The following CEP290 variants were observed in gnomAD, a reference collection of about 807,000 sequenced individuals.
The protein encoded by CEP290 is centrosomal protein of 290 kDa.
In CEP290, 317 loss-of-function variants were observed where a neutral mutation model predicts 344.9. The ratio of observed to expected loss-of-function variants is 0.92; its 90% CI spans 0.84 to 1.01. CEP290 has a LOEUF of 1.01. Among genes scored for constraint, CEP290 ranks in the 50% least tolerant of loss-of-function variants. The pLI is 0.00. For missense variants in CEP290, 2,754 were observed against 2,761.4 expected (o/e 1.00, Z 0.06); for synonymous variants, 932 against 895.8 (o/e 1.04, Z -0.72).
At position 88,106,556 on chromosome 12, in the gene CEP290, C is replaced by T. The variant is rs1592588638; in HGVS notation, c.2817+119G>A. The T allele has an allele frequency of 2.4e-5, 15 of 637,320 alleles. No individual in the cohort carries two copies. The East Asian group carries it at 4.3e-4, about 18-fold the overall frequency. The allele number at this position is 637,320 out of a possible 1,614,324, so 39.5% of individuals were successfully genotyped here. Reference sequence around the variant, plus strand: ...CAAAAATCAGAAGAAGCAATTATGACAAAATGTTAATAAATGTTAACTATT... The same window carrying T: ...CAAAAATCAGAAGAAGCAATTATGATAAAATGTTAATAAATGTTAACTATT... On this transcript the variant is annotated intron_variant, in intron 25 of 53. Transcript: ENST00000552810.
intron 41 of CEP290, among the ~76,000 whole-genome samples, chr12:88,075,267 T>C (rs1271902658): frequency 1.5e-5 from 1 of 66,576 alleles, no homozygotes; most frequent in Admixed American, 2.0e-4. Context: ...AAACATATGG[T>C]TTGAGAACTT....
In CEP290 at chr12:88,068,618, A is replaced by C. The variant is rs768799718; in HGVS notation, c.6039T>G (p.Ser2013=). Reference sequence around the variant, plus strand: ...TTTGTAAATGTAAATCTTCTACAACAGAATCTCGAGGAAGAGCTTGGTGGG... The same window carrying C: ...TTTGTAAATGTAAATCTTCTACAACCGAATCTCGAGGAAGAGCTTGGTGGG... ...MRAHQALPRD[S]VVEDLHLQNR... is the part of the protein sequence containing the mutation. Residue 2013 remains serine, a synonymous_variant, in exon 44 of 54, where the codon TCT becomes TCG. Transcript: ENST00000552810. 1 of 1,594,796 alleles carries C rather than the reference A, an allele frequency of 6.3e-7. No individual in the cohort carries two copies. The highest frequency in any genetic ancestry group is 8.5e-7 in the Non-Finnish European group (1 of 1,173,790).
chr12:88,119,507 G>C (rs1208906842), intron 15 of CEP290, among the ~76,000 whole-genome samples: 2 of 152,038 alleles, frequency 1.3e-5, no homozygotes, highest in African/African-American at 4.8e-5. Context: ...ATCTTTAAAA[G>C]ATTTTAACAG....
intron 41 of CEP290, among the ~76,000 whole-genome samples, chr12:88,072,316 A>C (rs1316205649): frequency 6.6e-6 from 1 of 151,616 alleles, no homozygotes; most frequent in African/African-American, 2.4e-5. Context: ...ACTGTGACTC[A>C]TCATATGAGG....
chr12:88,080,375 T>C lies in CEP290; in HGVS notation c.5033A>G (p.Asp1678Gly), dbSNP rs1174731379. ...IKLQLQENHE[D>G]EVKKVKAEVE... ...TTCCGCTTTTACTTTTTTCACTTCATCTTCATGGTTTTCTTGAAGCCTGAT... is the reference window on the plus strand; with the variant it reads ...TTCCGCTTTTACTTTTTTCACTTCACCTTCATGGTTTTCTTGAAGCCTGAT... The change falls in exon 38 of 54, where the codon GAT becomes GGT. Residue 1678 changes from aspartate to glycine, a missense_variant. Transcript: ENST00000552810. The C allele has an allele frequency of 1.2e-6, 2 of 1,612,434 alleles. No individual in the cohort carries two copies. The highest frequency in any genetic ancestry group is 4.5e-5 in the East Asian group (2 of 44,848).
At chr12:88,061,996 C>T (rs2034523019) in intron 46 of CEP290, among the ~76,000 whole-genome samples, 1 of 152,136 alleles carries the variant, frequency 6.6e-6, no homozygotes, top group African/African-American at 2.4e-5. Flanking sequence ...CCAGGCTGGT[C>T]TTGAACTCCT....
At chr12:88,118,610 C>A (rs1302610892) in intron 16 of CEP290, 33 bp downstream of exon 16, 18 of 1,610,724 alleles carry the variant, frequency 1.1e-5, no homozygotes, top group Non-Finnish European at 1.5e-5. Context: ...TATAGTTCAG[C>A]CAAGAAAATA....
At chr12:88,053,578 CAAA>C (rs372674637) in intron 52 of CEP290, 71 bp downstream of exon 52, 8,506 of 551,470 alleles carry the variant, frequency 0.015, no homozygotes, top group South Asian at 0.023. Flanking sequence ...AAATCTGAGC[CAAA>C]AAAAAAAAAA....
At chr12:88,064,306 G>C (rs944577195) in intron 44 of CEP290, among the ~76,000 whole-genome samples, 191 bp from the exon 45 acceptor site, 3 of 151,898 alleles carry the variant, frequency 2.0e-5, no homozygotes, top group African/African-American at 7.3e-5. Flanking sequence ...AAGGTAGTAT[G>C]GTTTGTTTTA....
intron 21 of CEP290, 100 bp from the exon 22 acceptor site, chr12:88,111,451 C>T (rs2038684471): frequency 1.7e-6 from 2 of 1,165,030 alleles, no homozygotes; most frequent in Non-Finnish European, 2.4e-6. Flanking sequence ...TTACCTCAAC[C>T]ATACTTCAGT....
At chr12:88,063,950 T>G (rs1180052887) in intron 45 of CEP290, 31 bp downstream of exon 45, 3 of 1,555,688 alleles carry the variant, frequency 1.9e-6, no homozygotes, top group Non-Finnish European at 2.6e-6. Context: ...TTTTAGGCAT[T>G]AGATTTCCTA....
At chr12:88,105,847 G>A (rs542596930) in intron 25 of CEP290, among the ~76,000 whole-genome samples, 5 of 151,740 alleles carry the variant, frequency 3.3e-5, no homozygotes, top group South Asian at 2.1e-4. Context: ...GGGCTCAAGC[G>A]ATCCTCCCAC....
chr12:88,068,843 C>A (rs1235961777), intron 43 of CEP290, among the ~76,000 whole-genome samples, 198 bp from the exon 44 acceptor site: 1 of 152,014 alleles, frequency 6.6e-6, no homozygotes, highest in Non-Finnish European at 1.5e-5. Context: ...CTCTACAGAG[C>A]ATTCACTGAA....
rs2468245 is a variant in CEP290 at position 88,079,272 on chromosome 12, C to T, written c.5227-43G>A. ...AAAAAATGTAATTTTTAAAGGAAAA[C>T]TGACATTTTATATGAATATATGATA... On this transcript the variant is annotated intron_variant, in intron 38 of 53. Coordinates refer to ENST00000552810, the MANE Select transcript of CEP290 (RefSeq NM_025114.4). 0.9 allele frequency: 1,351,275 copies of T among 1,500,250 alleles called. 618,300 individuals are homozygous for T. Among genetic ancestry groups the T allele is most frequent in the East Asian group, 0.95 (38,042 of 39,892 alleles). 92.9% of individuals were successfully genotyped at this position (1,500,250 alleles called of 1,614,324 possible). A position where few individuals can be genotyped will look rare whatever the true frequency, so the allele number is the denominator to read the frequency against.
intron 27 of CEP290, among the ~76,000 whole-genome samples, chr12:88,096,642 T>A (rs964990303): frequency 3.6e-4 from 54 of 152,106 alleles, no homozygotes; most frequent in African/African-American, 1.3e-3. Context: ...AGCTAATACT[T>A]AGTCATAAAT....
chr12:88,127,880 C>G (rs1313604381), intron 11 of CEP290, among the ~76,000 whole-genome samples: 1 of 152,058 alleles, frequency 6.6e-6, no homozygotes, highest in South Asian at 2.1e-4. Context: ...TTAAAAAGAA[C>G]AGCAATACTA....
intron 46 of CEP290, among the ~76,000 whole-genome samples, chr12:88,061,299 T>C (rs1041736001): frequency 1.3e-5 from 2 of 152,170 alleles, no homozygotes; most frequent in African/African-American, 4.8e-5. Flanking sequence ...ATTTAGCTAA[T>C]GTTCTCTCCA....
intron 52 of CEP290, among the ~76,000 whole-genome samples, chr12:88,052,696 AGAT>A (rs2033658706): frequency 1.3e-5 from 2 of 152,178 alleles, no homozygotes; most frequent in African/African-American, 4.8e-5. Flanking sequence ...TATCTCACAC[AGAT>A]GATAATCTTA....
At position 88,083,086 on chromosome 12, in the gene CEP290, T is replaced by A; in HGVS notation, c.4957A>T (p.Arg1653Ter). The A allele has an allele frequency of 6.5e-7, 1 of 1,529,734 alleles. No homozygotes were observed. Among genetic ancestry groups the A allele is most frequent in the Non-Finnish European group, 8.8e-7 (1 of 1,138,220 alleles). 94.8% of individuals were successfully genotyped at this position (1,529,734 alleles called of 1,614,324 possible). A position where few individuals can be genotyped will look rare whatever the true frequency, so the allele number is the denominator to read the frequency against. Residue 1653 changes from arginine to a stop codon, truncating the protein, a stop_gained, in exon 37 of 54, where the codon AGA becomes TGA. Coordinates refer to ENST00000552810, the MANE Select transcript of CEP290 (RefSeq NM_025114.4). LOFTEE classifies it high-confidence loss of function. ...KLKKVSQDLE[R>*]QREITELKVK... Reference sequence around the variant, plus strand: ...TTTAATTCAGTGATTTCTCTTTGTCTCTCCAAATCTTGTGATACTTTCTTT... The same window carrying A: ...TTTAATTCAGTGATTTCTCTTTGTCACTCCAAATCTTGTGATACTTTCTTT...
Sources: allele counts gnomAD v4.1 joint callset (sites outside exome capture counted in the v4.1 genomes callset), GRCh38; gene constraint gnomAD v4.1.1; transcripts MANE v1.5; gene names NCBI Gene and HGNC (gene_info 2026-07-23, HGNC 2026-07-21).